ABHD12: variants seen among roughly 807,000 people sequenced by gnomAD.
The protein encoded by ABHD12 is abhydrolase domain containing 12, lysophospholipase, also known as lysophosphatidylserine lipase ABHD12.
In ABHD12, 43 loss-of-function variants were observed where a neutral mutation model predicts 58.3. The ratio of observed to expected loss-of-function variants is 0.74; its 90% CI spans 0.58 to 0.95. The LOEUF (loss-of-function observed/expected upper bound fraction) is 0.95, where lower values mean the gene tolerates loss of function less well. ABHD12 is among the 40% of genes least tolerant of loss of function. The pLI is 0.00. For missense variants in ABHD12, 539 were observed against 537.2 expected, an observed-to-expected ratio of 1.00 and a Z score of -0.03; for synonymous variants, 219 against 211.2, an observed-to-expected ratio of 1.04 and a Z score of -0.32.
intron 1 of ABHD12, 77 bp downstream of exon 1, chr20:25,390,436 G>A: frequency 2.3e-6 from 3 of 1,294,108 alleles, no homozygotes; most frequent in South Asian, 1.8e-5. Context: ...GGGAGGTACC[G>A]CGGCCCCCTG....
chr20:25,296,084 C>T (rs1600749213), downstream of ABHD12, among the ~76,000 whole-genome samples: 2 of 152,152 alleles, frequency 1.3e-5, no homozygotes, highest in Non-Finnish European at 2.9e-5. Flanking sequence ...CAGTTCTTAC[C>T]TGGTGCTATC....
chr20:25,323,843 C>T (rs568001833), intron 2 of ABHD12, among the ~76,000 whole-genome samples: 59 of 152,236 alleles, frequency 3.9e-4, no homozygotes, highest in Non-Finnish European at 7.8e-4. Context: ...GCTGAGCCTG[C>T]GAATAACTCA....
chr20:25,327,402 G>A (rs904448924), intron 2 of ABHD12, among the ~76,000 whole-genome samples: 3 of 151,288 alleles, frequency 2.0e-5, no homozygotes, highest in Non-Finnish European at 4.4e-5. Flanking sequence ...GGGAGTCAGA[G>A]ATTGCAGTGA....
chr20:25,338,976 G>A, intron 2 of ABHD12: 1 of 1,261,378 alleles, frequency 7.9e-7, no homozygotes, highest in Non-Finnish European at 1.0e-6. Context: ...AGCACAGAAA[G>A]TCCTCCAGCT....
intron 1 of ABHD12, among the ~76,000 whole-genome samples, chr20:25,358,735 C>T (rs999556919): frequency 2.6e-5 from 4 of 152,134 alleles, no homozygotes. Context: ...AACTTGGACC[C>T]CTTGTCCATA....
At chr20:25,298,740 C>CAGAT (rs2088589863), downstream of ABHD12, among the ~76,000 whole-genome samples, 1 of 152,178 alleles carries the variant, frequency 6.6e-6, no homozygotes, top group East Asian at 1.9e-4. Flanking sequence ...TGTACAGTTG[C>CAGAT]AGATTAAGAA....
rs1374888556 is a variant in ABHD12, at chr20:25,390,516, C to T, written c.188G>A (p.Gly63Asp). The change falls in exon 1 of 13, where the codon GGC (glycine) becomes GAC (aspartate). Residue 63 changes from glycine (G) to aspartate (D), a missense_variant. By Grantham distance (94) the Gly-to-Asp change is moderately conservative. Coordinates refer to ENST00000339157, the MANE Select transcript of ABHD12 (RefSeq NM_001042472.3). ...CCCGCTCCGCGCGAAGCCTCACCTG[C>T]CCAGCGCCCGCTTCATTCCCGCGTC... is the stretch of plus-strand genomic sequence containing the variant. ...AADAGMKRALGRRKGVWLRLR... is the reference protein window; with the variant it reads ...AADAGMKRALDRRKGVWLRLR... 4.1e-6 allele frequency: 6 copies of T among 1,462,422 alleles called. No homozygotes were observed. Among genetic ancestry groups the T allele is most frequent in the Non-Finnish European group, 5.4e-6 (6 of 1,113,274 alleles). The allele number at this position is 1,462,422 out of a possible 1,614,324, so 90.6% of individuals were successfully genotyped here.
intron 12 of ABHD12, among the ~76,000 whole-genome samples, 195 bp downstream of exon 12, chr20:25,302,024 T>C (rs1318032058): frequency 3.3e-5 from 5 of 152,184 alleles, no homozygotes; most frequent in Non-Finnish European, 7.3e-5. Flanking sequence ...TGCATGATCA[T>C]GTGAACAGTC....
chr20:25,379,465 C>T (rs1352457132), intron 1 of ABHD12, among the ~76,000 whole-genome samples: 1 of 152,142 alleles, frequency 6.6e-6, no homozygotes, highest in Non-Finnish European at 1.5e-5. Flanking sequence ...GATCAACTTA[C>T]CCATGTCTTT....
chr20:25,339,719 C>T (rs749971133), intron 1 of ABHD12: 1 of 1,362,698 alleles, frequency 7.3e-7, no homozygotes, highest in Non-Finnish European at 9.8e-7. Flanking sequence ...GAGCGGCCTC[C>T]TCAGGCCTCC....
intron 10 of ABHD12, among the ~76,000 whole-genome samples, chr20:25,304,126 C>T (rs145781884): frequency 9.8e-5 from 15 of 152,372 alleles, no homozygotes; most frequent in African/African-American, 3.1e-4. Context: ...CTGCCAGGAC[C>T]GGCGGAGCCT....
intron 12 of ABHD12, chr20:25,295,101 G>T: frequency 1.4e-6 from 2 of 1,430,672 alleles, no homozygotes; most frequent in South Asian, 2.3e-5. Flanking sequence ...ACTCGATAGT[G>T]AACAGAAATG....
At chr20:25,296,748 C>G (rs201125215), downstream of ABHD12, 71 of 607,060 alleles carry the variant, frequency 1.2e-4, no homozygotes, top group Admixed American at 3.3e-4. Flanking sequence ...GTTGACAGTA[C>G]AAAGGGTCGT....
downstream of ABHD12, chr20:25,296,742 A>C: frequency 1.6e-6 from 1 of 636,192 alleles, no homozygotes; most frequent in South Asian, 2.0e-5. Flanking sequence ...GCCAGAGTTG[A>C]CAGTACAAAG....
chr20:25,315,195 A>C (rs1163301780), intron 5 of ABHD12, among the ~76,000 whole-genome samples: 2 of 152,124 alleles, frequency 1.3e-5, no homozygotes, highest in Non-Finnish European at 2.9e-5. Flanking sequence ...GAGCGCAGGA[A>C]GGCTCTCCCT....
intron 2 of ABHD12, among the ~76,000 whole-genome samples, chr20:25,331,207 G>A (rs1179058088): frequency 6.6e-6 from 1 of 152,176 alleles, no homozygotes; most frequent in Admixed American, 6.5e-5. Context: ...TGGAAGAAAG[G>A]GTATCAGTGA....
At chr20:25,349,044 A>G (rs2089560828) in intron 1 of ABHD12, among the ~76,000 whole-genome samples, 1 of 151,016 alleles carries the variant, frequency 6.6e-6, no homozygotes. Context: ...AGATCGCGCC[A>G]CTGCACTCCA....
chr20:25,360,486 G>C (rs1018743612), intron 1 of ABHD12, among the ~76,000 whole-genome samples: 4 of 151,844 alleles, frequency 2.6e-5, no homozygotes, highest in Admixed American at 1.3e-4. Context: ...TGATCTACCC[G>C]CCTTGGCCTC....
rs587777603 is a variant in ABHD12, at chr20:25,320,264, C to T, written c.477G>A (p.Trp159Ter). 6.2e-7 allele frequency: 1 copy of T among 1,614,060 alleles called. No individual in the cohort carries two copies. The highest frequency in any genetic ancestry group is 8.5e-7 in the Non-Finnish European group (1 of 1,180,052). ...WKNAQGKDQMWYEDALASSHP... is the reference protein window; with the variant it reads ...WKNAQGKDQM ...GGCTGGAAGCCAAGGCATCCTCATA[C>T]CACATCTGGTCTTTGCCTTGGGCGT... The change falls in exon 4 of 13, where the codon TGG becomes TGA. Residue 159 changes from tryptophan to a stop codon, truncating the protein, a stop_gained. Coordinates refer to ENST00000339157, the MANE Select transcript of ABHD12 (RefSeq NM_001042472.3). LOFTEE classifies it high-confidence loss of function.
Sources: gnomAD v4.1 joint callset for allele counts (sites outside exome capture counted in the v4.1 genomes callset) on GRCh38, gnomAD v4.1.1 for gene constraint, MANE v1.5 for transcripts, NCBI Gene and HGNC (gene_info 2026-07-23, HGNC 2026-07-21) for gene names.